The following AGMO variants were observed in gnomAD, a reference collection of about 807,000 sequenced individuals.
The protein encoded by AGMO is glyceryl-ether monooxygenase.
In AGMO, 75 loss-of-function variants were observed where a neutral mutation model predicts 60.2. That is an observed-to-expected ratio of 1.25 (90% confidence interval 1.03 to 1.51). The LOEUF is 1.51. AGMO is among the 40% of genes most tolerant of loss of function. The pLI is 0.00. For synonymous variants in AGMO, 261 were observed against 177.1 expected (o/e 1.47, Z -3.76); for missense variants, 763 against 525.5 (o/e 1.45, Z -4.42).
chr7:15,299,830 T>TACACACACACACACACACACACACACAC (rs756832586), intron 12 of AGMO, among the ~76,000 whole-genome samples: 1 of 48,190 alleles, frequency 2.1e-5, no homozygotes, highest in African/African-American at 1.5e-4. Context: ...TCTGTCTACA[T>TACACACACACACACACACACACACACAC]ACACACACAC....
At chr7:15,370,062 C>T (rs185681395) in intron 10 of AGMO, among the ~76,000 whole-genome samples, 57 of 152,234 alleles carry the variant, frequency 3.7e-4, no homozygotes, top group African/African-American at 1.3e-3. Context: ...TGCCCCCCTC[C>T]TTTATTCCTT....
At chr7:15,176,793 G>A in the AGMO span, among the ~76,000 whole-genome samples, 2 of 151,950 alleles carry the variant, frequency 1.3e-5, no homozygotes, top group Non-Finnish European at 2.9e-5. Context: ...TCTTAAAACT[G>A]AATATTTGTA....
intron 2 of AGMO, among the ~76,000 whole-genome samples, chr7:15,547,525 G>A (rs1166429747): frequency 6.6e-6 from 1 of 152,182 alleles, no homozygotes; most frequent in Non-Finnish European, 1.5e-5. Flanking sequence ...GGGTCAGGGA[G>A]TTCCCTTTCC....
At chr7:15,392,709 G>T (rs532234530) in intron 6 of AGMO, among the ~76,000 whole-genome samples, 1 of 152,194 alleles carries the variant, frequency 6.6e-6, no homozygotes, top group African/African-American at 2.4e-5. Context: ...TGCAGCAGAA[G>T]AATCACTTGA....
intron 12 of AGMO, among the ~76,000 whole-genome samples, chr7:15,315,206 G>T (rs758984325): frequency 6.6e-6 from 1 of 151,800 alleles, no homozygotes; most frequent in African/African-American, 2.4e-5. Context: ...TTGTGTTATT[G>T]CAAGGTACTA....
At chr7:15,227,455 A>T (rs1299200267) in intron 12 of AGMO, among the ~76,000 whole-genome samples, 2 of 152,082 alleles carry the variant, frequency 1.3e-5, no homozygotes, top group East Asian at 3.9e-4. Context: ...AACAACAACA[A>T]AATGGTGAAA....
At chr7:15,495,842 CCTCTCTCT>C (rs1562536404) in intron 3 of AGMO, among the ~76,000 whole-genome samples, 1 of 135,970 alleles carries the variant, frequency 7.4e-6, no homozygotes, top group East Asian at 2.1e-4. Context: ...CTCTCTCTCT[CCTCTCTCT>C]CTCCTCTCTC....
chr7:15,282,223 C>T (rs1783986505), intron 12 of AGMO, among the ~76,000 whole-genome samples: 1 of 151,834 alleles, frequency 6.6e-6, no homozygotes. Context: ...GGATCCAAAC[C>T]AAGATGAAAC....
chr7:15,555,677 G>T (rs1391340597), intron 2 of AGMO, among the ~76,000 whole-genome samples: 1 of 151,854 alleles, frequency 6.6e-6, no homozygotes, highest in Admixed American at 6.6e-5. Context: ...AAATGAATTT[G>T]ATACATTATT....
downstream of AGMO, among the ~76,000 whole-genome samples, chr7:15,197,648 G>A (rs1293761783): frequency 1.3e-5 from 2 of 152,174 alleles, no homozygotes; most frequent in African/African-American, 4.8e-5. Context: ...CAGACATATG[G>A]CAATCCTATA....
At chr7:15,256,525 T>G (rs1783104431) in intron 12 of AGMO, among the ~76,000 whole-genome samples, 1 of 151,810 alleles carries the variant, frequency 6.6e-6, no homozygotes, top group Non-Finnish European at 1.5e-5. Context: ...ACGTGTGTAA[T>G]TTTTTGTGTG....
At chr7:15,318,434 CATT>C (rs1030038925) in intron 12 of AGMO, among the ~76,000 whole-genome samples, 7 of 152,176 alleles carry the variant, frequency 4.6e-5, no homozygotes, top group Non-Finnish European at 1.0e-4. Flanking sequence ...CTCAAAATGG[CATT>C]ATTTAAATGG....
the AGMO span, among the ~76,000 whole-genome samples, chr7:15,181,204 A>C: frequency 6.6e-6 from 1 of 152,212 alleles, no homozygotes; most frequent in African/African-American, 2.4e-5. Flanking sequence ...TTCACAGTTC[A>C]TTAGAGAAGA....
chr7:15,498,489 T>A (rs1184716958), intron 3 of AGMO, among the ~76,000 whole-genome samples: 1 of 151,972 alleles, frequency 6.6e-6, no homozygotes, highest in Admixed American at 6.6e-5. Flanking sequence ...TTGTTACAGA[T>A]GAAAAATAGT....
At chr7:15,327,652 G>A (rs1038450046) in intron 12 of AGMO, among the ~76,000 whole-genome samples, 18 of 151,894 alleles carry the variant, frequency 1.2e-4, no homozygotes, top group African/African-American at 4.3e-4. Context: ...TATATAGGAA[G>A]GTTATTTACG....
chr7:15,179,014 T>C, the AGMO span, among the ~76,000 whole-genome samples: 1 of 152,150 alleles, frequency 6.6e-6, no homozygotes, highest in Admixed American at 6.5e-5. Flanking sequence ...AATTTATTCA[T>C]AAGGGCAGAG....
chr7:15,188,394 G>T, the AGMO span, among the ~76,000 whole-genome samples: 1 of 152,180 alleles, frequency 6.6e-6, no homozygotes, highest in Non-Finnish European at 1.5e-5. Context: ...TACATGGGAA[G>T]TACTATGTAA....
intron 3 of AGMO, among the ~76,000 whole-genome samples, chr7:15,443,194 TC>T (rs1157783797): frequency 2.0e-5 from 3 of 151,998 alleles, no homozygotes; most frequent in Non-Finnish European, 4.4e-5. Flanking sequence ...AGGCCGGGGG[TC>T]TAAATGAGCT....
At chr7:15,399,633 T>A (rs1784502159) in intron 5 of AGMO, among the ~76,000 whole-genome samples, 1 of 152,218 alleles carries the variant, frequency 6.6e-6, no homozygotes. Context: ...TCAACAAAAA[T>A]GCTCTGGACA....
Sources: gnomAD v4.1 joint callset for allele counts (sites outside exome capture counted in the v4.1 genomes callset) on GRCh38, gnomAD v4.1.1 for gene constraint, MANE v1.5 for transcripts, NCBI Gene and HGNC (gene_info 2026-07-23, HGNC 2026-07-21) for gene names.